Variants in SPATS2 observed in about 807,000 individuals in gnomAD.
SPATS2 encodes spermatogenesis-associated serine-rich protein 2.
Under a neutral mutation model 63.7 loss-of-function variants are expected in SPATS2, and 38 were observed. That is an observed-to-expected ratio of 0.60 (90% CI 0.46 to 0.78). The LOEUF (loss-of-function observed/expected upper bound fraction) is 0.78. SPATS2 is among the 30% of genes least tolerant of loss of function. SPATS2 has a pLI of 0.00. For synonymous variants in SPATS2, 207 were observed against 232.9 expected (o/e 0.89, Z 1.01); for missense variants, 588 against 666.2 (o/e 0.88, Z 1.29).
intron 2 of SPATS2, among the ~76,000 whole-genome samples, chr12:49,400,999 A>G (rs547688939): frequency 2.2e-4 from 34 of 152,180 alleles, no homozygotes; most frequent in Middle Eastern, 3.4e-3. Context: ...CAGCCTCCCA[A>G]GTAGCTGGGA....
chr12:49,444,111 C>G (rs77126082), intron 2 of SPATS2, among the ~76,000 whole-genome samples: 8,273 of 152,098 alleles, frequency 0.054, 322 homozygotes, highest in Non-Finnish European at 0.077. Flanking sequence ...TGTCTCTATT[C>G]ATTTAGATCT....
chr12:49,369,327 G>A (rs1373595576), intron 1 of SPATS2, among the ~76,000 whole-genome samples: 13 of 152,104 alleles, frequency 8.5e-5, no homozygotes, highest in Admixed American at 8.5e-4. Flanking sequence ...GCAGCCTAAT[G>A]TGCCTCTTTT....
chr12:49,480,438 TA>T (rs1251768024), intron 3 of SPATS2, among the ~76,000 whole-genome samples: 3 of 152,236 alleles, frequency 2.0e-5, no homozygotes, highest in African/African-American at 4.8e-5. Context: ...TACAGTTAGA[TA>T]AATTAATGCA....
intron 2 of SPATS2, among the ~76,000 whole-genome samples, chr12:49,408,552 CTTTTTTTTTTT>C (rs772842153): frequency 8.6e-6 from 1 of 116,064 alleles, no homozygotes; most frequent in Non-Finnish European, 1.8e-5. Context: ...TGTGCCTGGC[CTTTTTTTTTTT>C]TTTTTTTTTT....
chr12:49,395,968 A>G (rs1016259816), intron 2 of SPATS2, among the ~76,000 whole-genome samples: 2 of 152,176 alleles, frequency 1.3e-5, no homozygotes, highest in African/African-American at 4.8e-5. Context: ...TGTGTGTTTG[A>G]GTATTTTATA....
chr12:49,475,161 C>A (rs549832501), intron 3 of SPATS2, among the ~76,000 whole-genome samples: 5 of 152,180 alleles, frequency 3.3e-5, no homozygotes, highest in African/African-American at 4.8e-5. Context: ...CCTTTACTTG[C>A]AAGAACATAA....
At chr12:49,453,641 G>A (rs1232077189) in intron 2 of SPATS2, among the ~76,000 whole-genome samples, 1 of 151,932 alleles carries the variant, frequency 6.6e-6, no homozygotes, top group African/African-American at 2.4e-5. Context: ...GTGAGACCCT[G>A]TCTCTGCAAA....
At chr12:49,487,228 T>C (rs1322763501) in intron 4 of SPATS2, among the ~76,000 whole-genome samples, 1 of 152,166 alleles carries the variant, frequency 6.6e-6, no homozygotes, top group Non-Finnish European at 1.5e-5. Flanking sequence ...GGCTCATGCT[T>C]GTAATCCCAG....
At chr12:49,435,787 C>G (rs932037616) in intron 2 of SPATS2, among the ~76,000 whole-genome samples, 2 of 150,188 alleles carry the variant, frequency 1.3e-5, no homozygotes, top group African/African-American at 4.9e-5. Context: ...GAGGACCCTG[C>G]GGCCTTCCGC....
intron 2 of SPATS2, among the ~76,000 whole-genome samples, chr12:49,384,133 G>A (rs1377523689): frequency 6.6e-6 from 1 of 152,062 alleles, no homozygotes; most frequent in African/African-American, 2.4e-5. Flanking sequence ...TTCCACTAAT[G>A]TCTTAAAAAA....
intron 2 of SPATS2, among the ~76,000 whole-genome samples, chr12:49,423,884 A>G (rs1945026547): frequency 6.6e-6 from 1 of 152,190 alleles, no homozygotes; most frequent in African/African-American, 2.4e-5. Context: ...CAAATTTATT[A>G]GTAAAAATCT....
At chr12:49,381,895 T>G (rs1029881414) in intron 2 of SPATS2, among the ~76,000 whole-genome samples, 1 of 152,214 alleles carries the variant, frequency 6.6e-6, no homozygotes, top group Non-Finnish European at 1.5e-5. Flanking sequence ...TAGGTAGATA[T>G]GCCGTTTCAT....
At chr12:49,518,750 C>A (rs1185202283) in intron 10 of SPATS2, among the ~76,000 whole-genome samples, 1 of 152,070 alleles carries the variant, frequency 6.6e-6, no homozygotes, top group African/African-American at 2.4e-5. Context: ...CATTTTATAC[C>A]CAACTTACTC....
chr12:49,526,617 CCA>C lies in SPATS2; in HGVS notation c.*365_*366del, dbSNP rs1947040428. ...GTCACCTTTCCAATCTAAGCCGAAG[CCA>C]CAGGTGCCTGACAGGTTCCCTTCTA... On this transcript the variant is annotated 3_prime_UTR_variant, in exon 14 of 14. Coordinates refer to ENST00000552918, the MANE Select transcript of SPATS2 (RefSeq NM_023071.4). 2 of 216,450 alleles carry C rather than the reference CCA, an allele frequency of 9.2e-6. No homozygotes were observed. Among genetic ancestry groups the C allele is most frequent in the African/African-American group, 4.6e-5 (2 of 43,080 alleles). 13.4% of individuals were successfully genotyped at this position (216,450 alleles called of 1,614,324 possible). A position where few individuals can be genotyped will look rare whatever the true frequency, so the allele number is the denominator to read the frequency against.
At chr12:49,385,273 G>A (rs1457280195) in intron 2 of SPATS2, among the ~76,000 whole-genome samples, 1 of 149,628 alleles carries the variant, frequency 6.7e-6, no homozygotes, top group East Asian at 1.9e-4. Context: ...GGTAATAAAT[G>A]GTATTTCAAA....
chr12:49,442,140 A>G (rs956747219), intron 2 of SPATS2, among the ~76,000 whole-genome samples: 1 of 152,192 alleles, frequency 6.6e-6, no homozygotes, highest in Non-Finnish European at 1.5e-5. Flanking sequence ...CTGACACCCA[A>G]GATAGTCAAA....
In SPATS2 at chr12:49,494,798, G is replaced by A. The variant is rs778238141; in HGVS notation, c.322G>A (p.Asp108Asn). Residue 108 changes from aspartate (D) to asparagine (N), a missense_variant, in exon 7 of 14, where the codon GAT becomes AAT. Transcript: ENST00000552918. ...CGCAGAACCAAGTAACGGCATCCCAGATTCCAGTAAATCAGTTTCCATTCA... is the reference window on the plus strand; with the variant it reads ...CGCAGAACCAAGTAACGGCATCCCAAATTCCAGTAAATCAGTTTCCATTCA... Reference protein sequence around the residue: ...PAAEPSNGIPDSSKSVSIQEE... With the variant: ...PAAEPSNGIPNSSKSVSIQEE... 10 of 1,612,728 alleles carry A rather than the reference G, an allele frequency of 6.2e-6. No homozygotes were observed. The African/African-American group carries it at 1.1e-4, about 17-fold the overall frequency.
At chr12:49,435,400 C>T (rs1387759610) in intron 2 of SPATS2, among the ~76,000 whole-genome samples, 1 of 150,672 alleles carries the variant, frequency 6.6e-6, no homozygotes, top group Non-Finnish European at 1.5e-5. Flanking sequence ...TCTTGGCTTA[C>T]TGCAGTTTGT....
intron 8 of SPATS2, among the ~76,000 whole-genome samples, chr12:49,498,141 A>ATATATATATAT (rs1555191148): frequency 1.2e-4 from 9 of 74,314 alleles, no homozygotes; most frequent in African/African-American, 5.5e-4. Flanking sequence ...CCAAAAAAAA[A>ATATATATATAT]AAAAATATAT....
Sources: allele counts gnomAD v4.1 joint callset (sites outside exome capture counted in the v4.1 genomes callset), GRCh38; gene constraint gnomAD v4.1.1; transcripts MANE v1.5; gene names NCBI Gene and HGNC (gene_info 2026-07-23, HGNC 2026-07-21).